Variants in MAP4 observed in about 807,000 individuals in gnomAD.
MAP4 encodes microtubule associated protein 4.
MAP4 carries 76 observed loss-of-function variants against 170.2 expected under a neutral mutation model. The observed-to-expected ratio is 0.45, with a 90% confidence interval of 0.37 to 0.54. MAP4 has a LOEUF of 0.54. Ranked by LOEUF, MAP4 falls within the 20% of genes least tolerant of loss-of-function variation. The pLI, the probability that MAP4 is intolerant of heterozygous loss-of-function variation, is 0.00. For synonymous variants in MAP4, 909 were observed against 994.5 expected (o/e 0.91, Z 1.62); for missense variants, 2,506 against 2,748.0 (o/e 0.91, Z 1.97).
intron 1 of MAP4, among the ~76,000 whole-genome samples, chr3:48,012,826 A>G (rs2100105962): frequency 6.6e-6 from 1 of 152,240 alleles, no homozygotes; most frequent in Non-Finnish European, 1.5e-5. Context: ...GCCACTTAGC[A>G]TCTGTATTTC....
chr3:47,917,649 A>G (rs2100040501), intron 6 of MAP4, among the ~76,000 whole-genome samples: 1 of 151,984 alleles, frequency 6.6e-6, no homozygotes, highest in African/African-American at 2.4e-5. Flanking sequence ...CTACTCTTTG[A>G]CAGTCTCAAC....
chr3:48,055,177 TCTCCCTCTCC>T (rs1200315279), intron 1 of MAP4, among the ~76,000 whole-genome samples: 470 of 35,462 alleles, frequency 0.013, 3 homozygotes, highest in African/African-American at 0.028. Flanking sequence ...CTTTAAAAAG[TCTCCCTCTCC>T]CTCTCCCTCT....
At chr3:47,962,541 C>T (rs1468625044) in intron 3 of MAP4, among the ~76,000 whole-genome samples, 1 of 152,188 alleles carries the variant, frequency 6.6e-6, no homozygotes, top group African/African-American at 2.4e-5. Context: ...ATCTGTCATT[C>T]CTGTATTCTT....
At chr3:47,889,185 AG>A (rs2098167310) in intron 10 of MAP4, among the ~76,000 whole-genome samples, 1 of 152,268 alleles carries the variant, frequency 6.6e-6, no homozygotes. Flanking sequence ...AGAGGTCCCA[AG>A]AGAGATATAC....
At chr3:47,995,622 C>G (rs541996246) in intron 2 of MAP4, among the ~76,000 whole-genome samples, 2 of 152,162 alleles carry the variant, frequency 1.3e-5, no homozygotes, top group South Asian at 4.2e-4. Flanking sequence ...TCTGCCCCCC[C>G]TCCCCAACAC....
At chr3:47,892,663 A>G in intron 10 of MAP4, 2 of 1,368,080 alleles carry the variant, frequency 1.5e-6, no homozygotes, top group Non-Finnish European at 1.9e-6. Flanking sequence ...GCACTTACAA[A>G]TGTGAAAGAA....
intron 10 of MAP4, among the ~76,000 whole-genome samples, chr3:47,883,632 C>G (rs2097140923): frequency 6.6e-6 from 1 of 152,214 alleles, no homozygotes; most frequent in Non-Finnish European, 1.5e-5. Flanking sequence ...TAGCCATTCT[C>G]TAAGGGTATG....
At chr3:48,043,882 T>C (rs1424032864) in intron 1 of MAP4, among the ~76,000 whole-genome samples, 1 of 152,136 alleles carries the variant, frequency 6.6e-6, no homozygotes, top group Non-Finnish European at 1.5e-5. Flanking sequence ...AGTCTCGCTC[T>C]GTGTCCAGTC....
At chr3:48,025,217 GCTTGA>G (rs2100112404) in intron 1 of MAP4, among the ~76,000 whole-genome samples, 1 of 151,646 alleles carries the variant, frequency 6.6e-6, no homozygotes, top group Admixed American at 6.6e-5. Context: ...ATTTCATATG[GCTTGA>G]CTTAATAGTA....
chr3:47,971,092 C>T (rs536877596), intron 3 of MAP4, among the ~76,000 whole-genome samples: 1 of 152,176 alleles, frequency 6.6e-6, no homozygotes, highest in East Asian at 1.9e-4. Context: ...AAACCATGAA[C>T]CAAAAAAACT....
intron 1 of MAP4, among the ~76,000 whole-genome samples, chr3:48,061,523 G>C (rs568624076): frequency 6.6e-6 from 1 of 152,184 alleles, no homozygotes; most frequent in South Asian, 2.1e-4. Context: ...GAGTGCAGTG[G>C]CGTGATCTCA....
In MAP4 at chr3:48,078,136, T is replaced by C. The variant is rs1242937715; in HGVS notation, c.-20+10637A>G. Among the ~76,000 whole-genome samples, 6 of 152,056 alleles carry C rather than the reference T, an allele frequency of 3.9e-5. No homozygotes were observed. The East Asian group carries it at 1.2e-3, about 29-fold the overall frequency. On this transcript the variant is annotated intron_variant, in intron 1 of 18. Transcript: ENST00000360240. ...ACATTGTGAATACACCAAAAACCACTGAATTCTATGATTTTGTTTTGTTTT... is the reference window on the plus strand; with the variant it reads ...ACATTGTGAATACACCAAAAACCACCGAATTCTATGATTTTGTTTTGTTTT...
chr3:48,022,878 G>A (rs1278029892), intron 1 of MAP4, among the ~76,000 whole-genome samples: 1 of 147,678 alleles, frequency 6.8e-6, no homozygotes, highest in Admixed American at 6.9e-5. Context: ...GCAACAGAGT[G>A]ACACTCCATC....
Position 47,855,378 on chromosome 3 carries a change from C to G in MAP4, c.6584-18G>C. 3 of 1,504,224 alleles carry G rather than the reference C, an allele frequency of 2.0e-6. No homozygotes were observed. Among genetic ancestry groups the G allele is most frequent in the Non-Finnish European group, 2.8e-6 (3 of 1,079,612 alleles). 93.2% of individuals were successfully genotyped at this position (1,504,224 alleles called of 1,614,324 possible). On this transcript the variant is annotated intron_variant, in intron 18 of 20. Coordinates refer to ENST00000683076, the MANE Select transcript of MAP4 (RefSeq NM_001385682.1). This position sits in a 1 kb window ranked among gnomAD's most constrained non-coding sequence, Gnocchi z 5.1. ...TCCTCCACCTGGAACCACAAAGGAA[C>G]TGGTCACCTAGGGTGGCAGAGGAAT... is the stretch of plus-strand genomic sequence containing the variant.
intron 1 of MAP4, among the ~76,000 whole-genome samples, chr3:48,062,262 A>G (rs372021825): frequency 6.9e-6 from 1 of 144,128 alleles, no homozygotes; most frequent in Non-Finnish European, 1.5e-5. Context: ...TTAAGGGCGG[A>G]GCAAGATGTG....
intron 3 of MAP4, chr3:47,975,437 GC>G: frequency 6.4e-7 from 1 of 1,568,240 alleles, no homozygotes; most frequent in Non-Finnish European, 8.7e-7. Flanking sequence ...TGTTGCAGCA[GC>G]CCCAGTGTTG....
At chr3:47,868,260 C>A (rs1164970852) in intron 16 of MAP4, among the ~76,000 whole-genome samples, 1 of 152,222 alleles carries the variant, frequency 6.6e-6, no homozygotes, top group East Asian at 1.9e-4. Context: ...CCTTTCTTTG[C>A]AAATGATGCA....
At chr3:48,079,223 C>A (rs773561057) in intron 1 of MAP4, among the ~76,000 whole-genome samples, 2 of 151,926 alleles carry the variant, frequency 1.3e-5, no homozygotes, top group Non-Finnish European at 2.9e-5. Flanking sequence ...TTTTTGATGT[C>A]AAAGGAAATG....
chr3:47,944,117 C>T (rs2154035344), intron 3 of MAP4, among the ~76,000 whole-genome samples: 1 of 152,116 alleles, frequency 6.6e-6, no homozygotes, highest in East Asian at 1.9e-4. Context: ...CAAGAACAGC[C>T]TGATCAACAT....
Sources: allele counts gnomAD v4.1 joint callset (sites outside exome capture counted in the v4.1 genomes callset), GRCh38; gene constraint gnomAD v4.1.1; non-coding constraint Gnocchi (gnomAD v3.1); transcripts MANE v1.5; gene names NCBI Gene and HGNC (gene_info 2026-07-23, HGNC 2026-07-21).